VEGFD: variants seen among roughly 807,000 people sequenced by gnomAD.
The protein encoded by VEGFD is vascular endothelial growth factor D.
A neutral mutation model predicts 28.0 loss-of-function variants in VEGFD; 26 were observed. The ratio of observed to expected loss-of-function variants is 0.93; its 90% CI spans 0.68 to 1.29. The LOEUF (loss-of-function observed/expected upper bound fraction) is 1.29. Among genes scored for constraint, VEGFD ranks in the 50% most tolerant of loss-of-function variants. VEGFD has a pLI of 0.00. For missense variants in VEGFD, 294 were observed against 273.4 expected, an observed-to-expected ratio of 1.08 and a Z score of -0.53; for synonymous variants, 93 against 95.5, an observed-to-expected ratio of 0.97 and a Z score of 0.15.
chrX:15,383,218 C>T (rs1387429932), intron 1 of VEGFD, among the ~76,000 whole-genome samples: 2 of 111,847 alleles, frequency 1.8e-5, no homozygotes, highest in African/African-American at 6.5e-5. Flanking sequence ...AGTATTGTTC[C>T]AGCAGTCAGC....
chrX:15,351,049 T>A (rs1428298422), intron 5 of VEGFD, among the ~76,000 whole-genome samples: 4 of 86,799 alleles, frequency 4.6e-5, no homozygotes, highest in African/African-American at 1.7e-4. Flanking sequence ...TTTTTTTTTT[T>A]TTTTTTTTTT....
In VEGFD at chrX:15,355,147, T is replaced by C. The variant is rs752343753; in HGVS notation, c.641+3A>G. 1 of 1,164,535 alleles carries C rather than the reference T, an allele frequency of 8.6e-7. No homozygotes were observed. The highest frequency in any genetic ancestry group is 1.1e-6 in the Non-Finnish European group (1 of 878,179). On this transcript the variant is annotated splice_donor_region_variant and intron_variant, in intron 4 of 6. Coordinates refer to ENST00000297904, the MANE Select transcript of VEGFD (RefSeq NM_004469.5). Reference sequence around the variant, plus strand: ...GTATAAAAAAAAAAACAAAAGTGCTTACCGATCTTCTTCAGGGATCTGGAT... The same window carrying C: ...GTATAAAAAAAAAAACAAAAGTGCTCACCGATCTTCTTCAGGGATCTGGAT...
rs1305273625 is a variant in VEGFD at position 15,374,078 on chromosome X, C to T, written c.90+9779G>A. On this transcript the variant is annotated intron_variant, in intron 1 of 6. Coordinates refer to ENST00000297904, the MANE Select transcript of VEGFD (RefSeq NM_004469.5). Reference sequence around the variant, plus strand: ...CTAATATAGTAAACCACTCTGTCGTCTGGAGAAACAGCTTACTGGAAAGAA... The same window carrying T: ...CTAATATAGTAAACCACTCTGTCGTTTGGAGAAACAGCTTACTGGAAAGAA... Among the ~76,000 whole-genome samples, 4 of 111,871 alleles carry T rather than the reference C, an allele frequency of 3.6e-5. No homozygotes were observed. The Admixed American group carries it at 3.8e-4, about 11-fold the overall frequency.
rs76163356 is a variant in VEGFD, at chrX:15,351,321, G to A, written c.742+1747C>T. On this transcript the variant is annotated intron_variant, in intron 5 of 6. Coordinates refer to ENST00000297904, the MANE Select transcript of VEGFD (RefSeq NM_004469.5). ...TTTTTAGTAGAGACGGGGTTTCACC[G>A]TTTTAGCCAGGATGGTCTCAATCTC... is the stretch of plus-strand genomic sequence containing the variant. Among the ~76,000 whole-genome samples, 16 of 104,688 alleles carry A rather than the reference G, an allele frequency of 1.5e-4. No homozygotes were observed. The Admixed American group carries it at 1.6e-3, about 10-fold the overall frequency. The allele number at this position is 104,688 out of a possible 115,157, so 90.9% of individuals were successfully genotyped here.
chrX:15,379,875 G>A (rs776439166), intron 1 of VEGFD, among the ~76,000 whole-genome samples: 1 of 111,820 alleles, frequency 8.9e-6, no homozygotes, highest in African/African-American at 3.3e-5. Flanking sequence ...TTATCCACAG[G>A]TCTAAAACAG....
At chrX:15,354,404 T>C (rs1431669235) in intron 4 of VEGFD, among the ~76,000 whole-genome samples, 1 of 111,686 alleles carries the variant, frequency 9.0e-6, no homozygotes, top group Non-Finnish European at 1.9e-5. Context: ...CTTGGTTCAA[T>C]GTTAACTAAT....
chrX:15,355,421 A>C, intron 3 of VEGFD, 123 bp from the exon 4 acceptor site: 1 of 518,217 alleles, frequency 1.9e-6, no homozygotes, highest in Non-Finnish European at 2.9e-6. Context: ...GTTGTCCATT[A>C]AGAATGGAAC....
At chrX:15,381,586 A>G (rs1433078237) in intron 1 of VEGFD, among the ~76,000 whole-genome samples, 2 of 111,516 alleles carry the variant, frequency 1.8e-5, no homozygotes, top group Non-Finnish European at 3.8e-5. Context: ...ACCACCATGA[A>G]TATGTTTTCA....
intron 1 of VEGFD, among the ~76,000 whole-genome samples, chrX:15,375,870 G>A (rs1042166932): frequency 9.0e-6 from 1 of 111,513 alleles, no homozygotes; most frequent in Non-Finnish European, 1.9e-5. Flanking sequence ...AGCACTGCGG[G>A]AGATGGCCAT....
At position 15,384,177 on chromosome X, in the gene VEGFD, T is replaced by G; in HGVS notation, c.-231A>C. ...GAGAGAGATGAAAAAAATCAAAATG[T>G]TCTCCAAAAATAATCAGAAGGTGGA... is the stretch of plus-strand genomic sequence containing the variant. On this transcript the variant is annotated 5_prime_UTR_variant, in exon 1 of 7. Coordinates refer to ENST00000297904, the MANE Select transcript of VEGFD (RefSeq NM_004469.5). 1 of 291,031 alleles carries G rather than the reference T, an allele frequency of 3.4e-6. No homozygotes were observed. The allele number at this position is 291,031 out of a possible 1,213,427, so 24.0% of individuals were successfully genotyped here.
rs188356359 is a variant in VEGFD at position 15,359,007 on chromosome X, C to A, written c.302-814G>T. Among the ~76,000 whole-genome samples the A allele has an allele frequency of 2.1e-4, 23 of 111,679 alleles. 1 individual carries two copies. The East Asian group carries it at 6.1e-3, about 30-fold the overall frequency. Reference sequence around the variant, plus strand: ...AGATTCAATTTTATGATAAAGACAACACAAAGACTTCCTTGTAGCTTGCCA... The same window carrying A: ...AGATTCAATTTTATGATAAAGACAAAACAAAGACTTCCTTGTAGCTTGCCA... On this transcript the variant is annotated intron_variant, in intron 2 of 6. Coordinates refer to ENST00000297904, the MANE Select transcript of VEGFD (RefSeq NM_004469.5).
chrX:15,373,929 C>T (rs1296870503), intron 1 of VEGFD, among the ~76,000 whole-genome samples: 1 of 111,189 alleles, frequency 9.0e-6, no homozygotes, highest in Admixed American at 9.6e-5. Context: ...AGATGTTCTC[C>T]CTCCCCCACC....
At chrX:15,370,756 C>A (rs916619030) in intron 1 of VEGFD, among the ~76,000 whole-genome samples, 23 of 111,100 alleles carry the variant, frequency 2.1e-4, no homozygotes, top group African/African-American at 7.2e-4. Context: ...GGGTTTGGGG[C>A]AAGACAGGAT....
At chrX:15,355,415 T>G (rs1250830522) in intron 3 of VEGFD, 117 bp from the exon 4 acceptor site, 2 of 552,628 alleles carry the variant, frequency 3.6e-6, no homozygotes, top group African/African-American at 5.0e-5. Flanking sequence ...AGCCAAGTTG[T>G]CCATTAAGAA....
chrX:15,372,421 G>T (rs771236192), intron 1 of VEGFD, among the ~76,000 whole-genome samples: 1 of 108,319 alleles, frequency 9.2e-6, no homozygotes, highest in East Asian at 2.8e-4. Context: ...TAAACATTTT[G>T]TGCCATTAAA....
chrX:15,371,599 GCTCA>G (rs772175685), intron 1 of VEGFD, among the ~76,000 whole-genome samples: 217 of 111,655 alleles, frequency 1.9e-3, no homozygotes, highest in Admixed American at 4.6e-3. Context: ...AAATCTGATG[GCTCA>G]CTGATTTTTG....
intron 1 of VEGFD, among the ~76,000 whole-genome samples, chrX:15,382,131 T>C (rs896592767): frequency 1.4e-4 from 15 of 110,899 alleles, no homozygotes; most frequent in Non-Finnish European, 2.8e-4. Flanking sequence ...CCATCCTGGC[T>C]AACACAGTGA....
intron 2 of VEGFD, 47 bp from the exon 3 acceptor site, chrX:15,358,240 C>T: frequency 9.3e-7 from 1 of 1,078,570 alleles, no homozygotes; most frequent in Middle Eastern, 2.8e-4. Context: ...TGGAATGGTC[C>T]TGGTGTGCCA....
chrX:15,361,183 T>C (rs1316332028), intron 2 of VEGFD, among the ~76,000 whole-genome samples: 1 of 112,571 alleles, frequency 8.9e-6, no homozygotes, highest in Non-Finnish European at 1.9e-5. Flanking sequence ...AAAATGTCAA[T>C]GTCATTGACT....
Sources: allele counts gnomAD v4.1 joint callset (sites outside exome capture counted in the v4.1 genomes callset), GRCh38; gene constraint gnomAD v4.1.1; transcripts MANE v1.5; gene names NCBI Gene and HGNC (gene_info 2026-07-23, HGNC 2026-07-21).